DECR1: variants seen among roughly 807,000 people sequenced by gnomAD.
DECR1 encodes the protein 2,4-dienoyl-CoA reductase [(3E)-enoyl-CoA-producing], mitochondrial.
A neutral mutation model predicts 38.8 loss-of-function variants in DECR1; 44 were observed. The observed-to-expected ratio is 1.13, with a 90% CI of 0.89 to 1.46. The LOEUF is 1.46. DECR1 is among the 40% of genes most tolerant of loss of function. The pLI, the probability that DECR1 is intolerant of heterozygous loss-of-function variation, is 0.00. For missense variants in DECR1, 428 were observed against 405.5 expected (o/e 1.06, Z -0.48); for synonymous variants, 148 against 135.2 (o/e 1.09, Z -0.66).
chr8:90,043,750 A>G (rs561866972), intron 7 of DECR1, among the ~76,000 whole-genome samples: 5 of 152,336 alleles, frequency 3.3e-5, no homozygotes, highest in African/African-American at 9.6e-5. Flanking sequence ...TTATCTGACA[A>G]TTCAATACTA....
chr8:90,018,998 T>G, intron 3 of DECR1, 32 bp downstream of exon 3: 1 of 1,577,540 alleles, frequency 6.3e-7, no homozygotes, highest in Non-Finnish European at 8.7e-7. Context: ...TAATTTAGAT[T>G]TAGGAATTAT....
rs766927191 is a variant in DECR1, at chr8:90,052,525, G to C, written c.*628G>C. ...TATAAATAATTATTTATGATACATT[G>C]TGATAAGTATTATTCCAGCAGTATT... On this transcript the variant is annotated 3_prime_UTR_variant, in exon 10 of 10. Transcript: ENST00000220764. 6.6e-6 allele frequency among the ~76,000 whole-genome samples: 1 copy of C among 152,008 alleles called. No individual in the cohort carries two copies. The highest frequency in any genetic ancestry group is 1.5e-5 in the Non-Finnish European group (1 of 68,008).
chr8:90,023,427 T>A (rs976791643), intron 5 of DECR1, among the ~76,000 whole-genome samples: 1 of 152,154 alleles, frequency 6.6e-6, no homozygotes, highest in Non-Finnish European at 1.5e-5. Flanking sequence ...TCTGCATTGG[T>A]AATACTGTTG....
At chr8:90,029,306 A>C (rs1813435104) in intron 5 of DECR1, 1 of 152,200 alleles carries the variant, frequency 6.6e-6, no homozygotes, top group Admixed American at 6.6e-5. Flanking sequence ...TTTTTCTTAC[A>C]TGTGAATGGA....
chr8:90,025,809 A>G (rs932449475), intron 5 of DECR1, among the ~76,000 whole-genome samples: 4 of 152,206 alleles, frequency 2.6e-5, no homozygotes, highest in African/African-American at 9.7e-5. Flanking sequence ...CAGTTTTCAC[A>G]GAGAATCCTT....
intron 8 of DECR1, among the ~76,000 whole-genome samples, chr8:90,047,850 C>T (rs894553287): frequency 1.3e-5 from 2 of 152,210 alleles, no homozygotes; most frequent in Non-Finnish European, 2.9e-5. Context: ...GACCACAGTG[C>T]AATCAAACGA....
rs149218615 is a variant in DECR1, at chr8:90,006,778, A to G, written c.69+5217A>G. ...AAGTAGGGAGACCAAACATCCAAAC[A>G]CCAGTGATGAGGGTCTGAACTGAGG... On this transcript the variant is annotated intron_variant, in intron 1 of 9. Transcript: ENST00000220764. Among the ~76,000 whole-genome samples the G allele has an allele frequency of 6.2e-4, 95 of 152,320 alleles. 1 individual carries two copies. The East Asian group carries it at 0.018, about 29-fold the overall frequency.
At chr8:90,051,026 G>C (rs748241779) in intron 8 of DECR1, among the ~76,000 whole-genome samples, 41 of 152,260 alleles carry the variant, frequency 2.7e-4, no homozygotes, top group Middle Eastern at 3.4e-3. Flanking sequence ...GCCCGTCGTG[G>C]GGTGGGAGGA....
At chr8:90,033,022 G>A (rs989745128) in intron 5 of DECR1, among the ~76,000 whole-genome samples, 1 of 152,116 alleles carries the variant, frequency 6.6e-6, no homozygotes, top group African/African-American at 2.4e-5. Context: ...TAAATCTAGG[G>A]TCCAGAGCAG....
At chr8:90,037,044 C>A in intron 6 of DECR1, 104 bp downstream of exon 6, 1 of 763,734 alleles carries the variant, frequency 1.3e-6, no homozygotes, top group Non-Finnish European at 2.2e-6. Flanking sequence ...GAAAAGTAAA[C>A]AAAGACTTGG....
At chr8:90,038,667 A>G (rs1315777190) in intron 6 of DECR1, among the ~76,000 whole-genome samples, 1 of 152,042 alleles carries the variant, frequency 6.6e-6, no homozygotes, top group Non-Finnish European at 1.5e-5. Context: ...CCATTAACGT[A>G]ACATTAAACA....
At chr8:90,010,166 T>A (rs1305932520) in intron 1 of DECR1, among the ~76,000 whole-genome samples, 1 of 152,216 alleles carries the variant, frequency 6.6e-6, no homozygotes, top group Non-Finnish European at 1.5e-5. Context: ...TTCAGTGCCC[T>A]GCTATAAGTT....
At chr8:90,001,732 C>CAG (rs756311358) in intron 1 of DECR1, among the ~76,000 whole-genome samples, 171 bp downstream of exon 1, 289 of 149,902 alleles carry the variant, frequency 1.9e-3, no homozygotes, top group Non-Finnish European at 3.1e-3. Context: ...TCCCGAGGCG[C>CAG]AGAGAGAGAG....
chr8:90,008,640 G>A (rs562646105), intron 1 of DECR1, among the ~76,000 whole-genome samples: 69 of 152,118 alleles, frequency 4.5e-4, no homozygotes, highest in Non-Finnish European at 8.8e-4. Flanking sequence ...CATGTTGTTG[G>A]GCAAGAGGCA....
At chr8:90,024,870 T>C (rs1297228232) in intron 5 of DECR1, among the ~76,000 whole-genome samples, 6 of 152,250 alleles carry the variant, frequency 3.9e-5, no homozygotes, top group South Asian at 2.1e-4. Flanking sequence ...ATTTAAGTCT[T>C]TAATCCATCA....
chr8:90,024,598 C>T (rs1813277767), intron 5 of DECR1, among the ~76,000 whole-genome samples: 7 of 152,082 alleles, frequency 4.6e-5, no homozygotes, highest in Admixed American at 4.6e-4. Flanking sequence ...TGTTTAAGTT[C>T]TTTGTAGATT....
intron 1 of DECR1, chr8:90,005,520 C>G (rs1181358680): frequency 1.6e-5 from 7 of 440,770 alleles, no homozygotes; most frequent in Non-Finnish European, 2.7e-5. Flanking sequence ...CTGGGCCTAT[C>G]AGCTGGATCT....
intron 1 of DECR1, among the ~76,000 whole-genome samples, chr8:90,013,623 C>T (rs1812940252): frequency 6.6e-6 from 1 of 151,894 alleles, no homozygotes; most frequent in South Asian, 2.1e-4. Flanking sequence ...GTAAGGTGTA[C>T]CCAAGTGTTG....
At chr8:90,037,133 CA>C (rs1813637166) in intron 6 of DECR1, 193 bp downstream of exon 6, 1 of 523,200 alleles carries the variant, frequency 1.9e-6, no homozygotes, top group Admixed American at 3.4e-5. Context: ...GAACTTTCTG[CA>C]GTGATGTAAA....
Sources: allele counts gnomAD v4.1 joint callset (sites outside exome capture counted in the v4.1 genomes callset), GRCh38; gene constraint gnomAD v4.1.1; transcripts MANE v1.5; gene names NCBI Gene and HGNC (gene_info 2026-07-23, HGNC 2026-07-21).